The following TMEM132B variants were observed in gnomAD, a reference collection of about 807,000 sequenced individuals.
The protein encoded by TMEM132B is transmembrane protein 132B.
A neutral mutation model predicts 90.8 loss-of-function variants in TMEM132B; 18 were observed. That is an observed-to-expected ratio of 0.20 (90% CI 0.14 to 0.29). The LOEUF is 0.29. Ranked by LOEUF, TMEM132B falls within the 10% of genes least tolerant of loss-of-function variation. The pLI, the probability that TMEM132B is intolerant of heterozygous loss-of-function variation, is 1.00. For synonymous variants in TMEM132B, 504 were observed against 523.3 expected, an observed-to-expected ratio of 0.96 and a Z score of 0.50; for missense variants, 1,096 against 1,326.8, an observed-to-expected ratio of 0.83 and a Z score of 2.70.
rs572474120 is a variant in TMEM132B, at chr12:125,538,570, C to T, written c.1293+18945C>T. 1.2e-4 allele frequency among the ~76,000 whole-genome samples: 19 copies of T among 152,294 alleles called. 2 individuals are homozygous for T. In the South Asian group the frequency reaches 2.1e-3, roughly 17 times the overall value. ...TCAATGAAACTTTCTATTCCTCATC[C>T]GTGGGCTGAATGCTTAATGATTCTG... On this transcript the variant is annotated intron_variant, in intron 4 of 8. Coordinates refer to ENST00000682704, the MANE Select transcript of TMEM132B (RefSeq NM_001366854.1).
intron 4 of TMEM132B, among the ~76,000 whole-genome samples, chr12:125,565,715 A>G (rs149382526): frequency 6.2e-4 from 95 of 152,240 alleles, no homozygotes; most frequent in African/African-American, 2.2e-3. Context: ...CGGCACACAG[A>G]TGCTTCTTCT....
At chr12:125,247,256 A>G (rs530429072) in intron 1 of TMEM132B, among the ~76,000 whole-genome samples, 2 of 152,284 alleles carry the variant, frequency 1.3e-5, no homozygotes, top group Admixed American at 1.3e-4. Context: ...CAAATATCAC[A>G]TCCCATCTTC....
intron 1 of TMEM132B, among the ~76,000 whole-genome samples, chr12:125,290,653 G>T (rs940305382): frequency 1.3e-5 from 2 of 152,204 alleles, no homozygotes; most frequent in African/African-American, 2.4e-5. Flanking sequence ...TTTCACTGCT[G>T]CATAGTATTC....
intron 5 of TMEM132B, among the ~76,000 whole-genome samples, chr12:125,588,655 A>G (rs986999855): frequency 6.6e-6 from 1 of 152,186 alleles, no homozygotes; most frequent in Non-Finnish European, 1.5e-5. Context: ...AATACAAAAG[A>G]CAGTAGATTT....
chr12:125,374,645 C>T (rs940271777), intron 2 of TMEM132B, among the ~76,000 whole-genome samples: 7 of 151,766 alleles, frequency 4.6e-5, no homozygotes, highest in Non-Finnish European at 7.4e-5. Flanking sequence ...CCCCCGACCC[C>T]GCCCCGCCCC....
Position 125,371,036 on chromosome 12 carries a change from G to A in TMEM132B, c.959+20693G>A, listed in dbSNP as rs539217341. On this transcript the variant is annotated intron_variant, in intron 2 of 8. Coordinates refer to ENST00000682704, the MANE Select transcript of TMEM132B (RefSeq NM_001366854.1). ...TGCAGCCTTCAGTCTGTGGCCAGAG[G>A]CCTGAGAGCTCCTGGGAAGTCACTG... 2.0e-4 allele frequency among the ~76,000 whole-genome samples: 31 copies of A among 152,278 alleles called. No individual in the cohort carries two copies. In the South Asian group the frequency reaches 5.4e-3, roughly 27 times the overall value.
intron 2 of TMEM132B, among the ~76,000 whole-genome samples, chr12:125,412,386 C>T (rs1318090359): frequency 1.3e-5 from 2 of 152,124 alleles, no homozygotes; most frequent in Non-Finnish European, 2.9e-5. Flanking sequence ...CATTATTGTC[C>T]CCAGACTTAA....
chr12:125,624,975 C>T (rs986762453), intron 5 of TMEM132B, among the ~76,000 whole-genome samples: 2 of 152,200 alleles, frequency 1.3e-5, no homozygotes, highest in East Asian at 1.9e-4. Flanking sequence ...ACAGTTCTGT[C>T]GCACCCTCAC....
intron 1 of TMEM132B, among the ~76,000 whole-genome samples, chr12:125,252,886 T>C (rs200965058): frequency 6.6e-6 from 1 of 152,174 alleles, no homozygotes; most frequent in East Asian, 1.9e-4. Context: ...TGAAACAGGG[T>C]ACCTGACCTC....
rs562684783 is a variant in TMEM132B at position 125,393,603 on chromosome 12, G to A, written c.960-21928G>A. ...GTTTCAGGCATAGCAAACGGTATAT[G>A]CGAACACCCACATCAGTCGGGGTTC... On this transcript the variant is annotated intron_variant, in intron 2 of 8. Transcript: ENST00000682704. Among the ~76,000 whole-genome samples, 66 of 152,256 alleles carry A rather than the reference G, an allele frequency of 4.3e-4. 1 individual carries two copies. The South Asian group carries it at 0.014, about 32-fold the overall frequency.
At chr12:125,242,706 G>A (rs968976310) in intron 1 of TMEM132B, among the ~76,000 whole-genome samples, 4 of 152,232 alleles carry the variant, frequency 2.6e-5, no homozygotes, top group Non-Finnish European at 5.9e-5. Flanking sequence ...TGAGCCTGCA[G>A]GCCTCCTTTG....
chr12:125,217,802 T>G (rs1873471084), intron 1 of TMEM132B, among the ~76,000 whole-genome samples: 1 of 152,132 alleles, frequency 6.6e-6, no homozygotes, highest in Non-Finnish European at 1.5e-5. Flanking sequence ...GTATCAAAAT[T>G]AAAACGTCCA....
At chr12:125,385,432 G>A (rs1878802384) in intron 2 of TMEM132B, among the ~76,000 whole-genome samples, 1 of 152,188 alleles carries the variant, frequency 6.6e-6, no homozygotes, top group South Asian at 2.1e-4. Context: ...ATCGTGCCAA[G>A]GAGCTTGGCA....
chr12:125,585,748 A>G (rs1193537681), intron 5 of TMEM132B: 4 of 152,118 alleles, frequency 2.6e-5, no homozygotes, highest in Admixed American at 2.0e-4. Context: ...TCATCCTCAT[A>G]GACGTTGTTT....
chr12:125,396,582 G>A (rs907387697), intron 2 of TMEM132B, among the ~76,000 whole-genome samples: 3 of 152,032 alleles, frequency 2.0e-5, no homozygotes, highest in African/African-American at 7.3e-5. Context: ...GTGTGATCAT[G>A]GCTCACTGCA....
At chr12:125,288,607 T>G (rs1342353763) in intron 1 of TMEM132B, among the ~76,000 whole-genome samples, 1 of 152,196 alleles carries the variant, frequency 6.6e-6, no homozygotes, top group Non-Finnish European at 1.5e-5. Context: ...TGTGTGGGTA[T>G]TCTTGGAATC....
chr12:125,394,689 G>GCTATGAAT (rs1879122314), intron 2 of TMEM132B, among the ~76,000 whole-genome samples: 1 of 152,128 alleles, frequency 6.6e-6, no homozygotes, highest in African/African-American at 2.4e-5. Flanking sequence ...TATTCATTTG[G>GCTATGAAT]CTATGAATCT....
intron 5 of TMEM132B, among the ~76,000 whole-genome samples, chr12:125,612,180 A>G (rs1213063115): frequency 2.6e-5 from 4 of 152,150 alleles, no homozygotes. Context: ...AATTTTTTAA[A>G]AAATGACCAA....
chr12:125,215,053 A>G (rs1873402722), intron 1 of TMEM132B, among the ~76,000 whole-genome samples: 1 of 152,136 alleles, frequency 6.6e-6, no homozygotes, highest in South Asian at 2.1e-4. Context: ...AAGAAGTAAC[A>G]GCTTCCCCCT....
Sources: gnomAD v4.1 joint callset for allele counts (sites outside exome capture counted in the v4.1 genomes callset) on GRCh38, gnomAD v4.1.1 for gene constraint, MANE v1.5 for transcripts, NCBI Gene and HGNC (gene_info 2026-07-23, HGNC 2026-07-21) for gene names.